CSMD1: variants seen among roughly 807,000 people sequenced by gnomAD.
CSMD1 encodes CUB and Sushi multiple domains 1.
CSMD1 carries 213 observed loss-of-function variants against 417.5 expected under a neutral mutation model. The observed-to-expected ratio is 0.51, with a 90% confidence interval of 0.46 to 0.57. The LOEUF is 0.57. CSMD1 is among the 20% of genes least tolerant of loss of function. The pLI is 0.00. For missense variants in CSMD1, 6,923 were observed against 4,529.7 expected (o/e 1.53, Z -15.17); for synonymous variants, 2,862 against 1,736.8 (o/e 1.65, Z -16.11).
chr8:3,138,576 G>T (rs576246958), intron 41 of CSMD1, among the ~76,000 whole-genome samples: 6 of 152,176 alleles, frequency 3.9e-5, no homozygotes, highest in African/African-American at 1.2e-4. Context: ...GACCTCCCCT[G>T]GTCGGAGTAC....
rs1424891970 is a variant in CSMD1 at position 3,435,219 on chromosome 8, G to A, written c.1562-25614C>T. Among the ~76,000 whole-genome samples the A allele has an allele frequency of 2.0e-5, 3 of 152,156 alleles. No homozygotes were observed. In the East Asian group the frequency reaches 5.8e-4, roughly 29 times the overall value. On this transcript the variant is annotated intron_variant, in intron 12 of 69. Coordinates refer to ENST00000635120, the MANE Select transcript of CSMD1 (RefSeq NM_033225.6). ...TGATATGTTCAGTCCTCAGAGCACA[G>A]AGCTCCCTGGGAAAGAAAATAGTAT... is the stretch of plus-strand genomic sequence containing the variant.
In CSMD1 at chr8:3,172,986, T is replaced by C. The variant is rs114475193; in HGVS notation, c.5725+8124A>G. ...AATAACTGAGGTAATCCTAAGTGGC[T>C]GTCCCAAGAAGTGATTGTAGGATAA... On this transcript the variant is annotated intron_variant, in intron 37 of 69. Coordinates refer to ENST00000635120, the MANE Select transcript of CSMD1 (RefSeq NM_033225.6). 3.4e-3 allele frequency among the ~76,000 whole-genome samples: 522 copies of C among 152,334 alleles called. 4 individuals carry two copies. Among genetic ancestry groups the C allele is most frequent in the African/African-American group, 0.01 (435 of 41,586 alleles).
At chr8:3,553,775 T>G (rs1799021571) in intron 10 of CSMD1, among the ~76,000 whole-genome samples, 1 of 152,214 alleles carries the variant, frequency 6.6e-6, no homozygotes, top group Admixed American at 6.5e-5. Flanking sequence ...ATGTTTATGT[T>G]TTATTAAGTG....
At chr8:4,204,196 G>A (rs1799839208) in intron 3 of CSMD1, among the ~76,000 whole-genome samples, 1 of 151,870 alleles carries the variant, frequency 6.6e-6, no homozygotes, top group South Asian at 2.1e-4. Flanking sequence ...TGCCTGAGAT[G>A]GAATTTCAAA....
intron 5 of CSMD1, among the ~76,000 whole-genome samples, chr8:3,943,445 C>T (rs1392810535): frequency 6.9e-6 from 1 of 145,622 alleles, no homozygotes; most frequent in African/African-American, 2.5e-5. Flanking sequence ...AACAGAATTC[C>T]AGCAATTGTT....
At chr8:4,548,279 G>A (rs1335226269) in intron 2 of CSMD1, among the ~76,000 whole-genome samples, 2 of 151,950 alleles carry the variant, frequency 1.3e-5, no homozygotes, top group African/African-American at 4.8e-5. Flanking sequence ...ATCGAAAAAA[G>A]TTCACTTTTT....
chr8:3,859,865 G>A (rs557185760), intron 5 of CSMD1, among the ~76,000 whole-genome samples: 46 of 152,264 alleles, frequency 3.0e-4, no homozygotes, highest in African/African-American at 1.0e-3. Context: ...ACAGCCTCAG[G>A]CATCTCTTCT....
chr8:3,327,091 G>T (rs17079989), intron 23 of CSMD1, among the ~76,000 whole-genome samples: 7,210 of 151,400 alleles, frequency 0.048, 409 homozygotes, highest in East Asian at 0.25. Context: ...AACACGTGCA[G>T]AGTCATCCTC....
In CSMD1 at chr8:4,111,249, C is replaced by T. The variant is rs543906560; in HGVS notation, c.416-79150G>A. Among the ~76,000 whole-genome samples the T allele has an allele frequency of 3.3e-5, 5 of 152,186 alleles. No homozygotes were observed. In the South Asian group the frequency reaches 1.0e-3, roughly 32 times the overall value. On this transcript the variant is annotated intron_variant, in intron 3 of 69. Coordinates refer to ENST00000635120, the MANE Select transcript of CSMD1 (RefSeq NM_033225.6). ...GTTCCACGTCTTTGCTTTCTATTATCATCAGTCAGTTTGTTTTAGATATAG... is the reference window on the plus strand; with the variant it reads ...GTTCCACGTCTTTGCTTTCTATTATTATCAGTCAGTTTGTTTTAGATATAG...
At position 4,767,369 on chromosome 8, in the gene CSMD1, C is replaced by T. The variant is rs189418109; in HGVS notation, c.86-129811G>A. On this transcript the variant is annotated intron_variant, in intron 1 of 69. Coordinates refer to ENST00000635120, the MANE Select transcript of CSMD1 (RefSeq NM_033225.6). ...GTGAAGAAAATCACATTTGCCTTTA[C>T]GAAACATAATCCCTTTCTTTTTATT... is the stretch of plus-strand genomic sequence containing the variant. Among the ~76,000 whole-genome samples, 434 of 152,246 alleles carry T rather than the reference C, an allele frequency of 2.9e-3. 4 individuals carry two copies. Among genetic ancestry groups the T allele is most frequent in the Non-Finnish European group, 4.5e-3 (308 of 68,012 alleles).
At chr8:4,762,955 C>G (rs987971827) in intron 1 of CSMD1, among the ~76,000 whole-genome samples, 1 of 152,108 alleles carries the variant, frequency 6.6e-6, no homozygotes, top group African/African-American at 2.4e-5. Flanking sequence ...GCTTATATTT[C>G]TCAATATCTG....
At chr8:3,399,562 A>C in intron 15 of CSMD1, 33 bp from the exon 16 acceptor site, 1 of 1,519,860 alleles carries the variant, frequency 6.6e-7, no homozygotes, top group Non-Finnish European at 8.9e-7. Context: ...TATTAGATCC[A>C]ATGAGACAGA....
chr8:4,131,073 CAG>C (rs1803073404), intron 3 of CSMD1, among the ~76,000 whole-genome samples: 1 of 152,126 alleles, frequency 6.6e-6, no homozygotes, highest in South Asian at 2.1e-4. Context: ...AGAAATGCCT[CAG>C]AGAAGTGTGA....
At chr8:4,400,502 T>C (rs1376034688) in intron 3 of CSMD1, among the ~76,000 whole-genome samples, 1 of 152,206 alleles carries the variant, frequency 6.6e-6, no homozygotes, top group Admixed American at 6.5e-5. Context: ...CATCACGAGT[T>C]CTAAAAAAGT....
intron 3 of CSMD1, among the ~76,000 whole-genome samples, chr8:4,226,745 T>G (rs1014215208): frequency 6.6e-6 from 1 of 152,218 alleles, no homozygotes. Flanking sequence ...TCAGTTAACC[T>G]GGCACTGAGC....
intron 7 of CSMD1, among the ~76,000 whole-genome samples, chr8:3,703,447 C>A (rs1172813050): frequency 6.8e-6 from 1 of 146,372 alleles, no homozygotes; most frequent in Non-Finnish European, 1.5e-5. Context: ...TTCATTCATT[C>A]ATTCATTCAT....
chr8:4,787,679 C>A, intron 1 of CSMD1: 1 of 1,590,450 alleles, frequency 6.3e-7, no homozygotes, highest in Non-Finnish European at 8.6e-7. Context: ...TAAGTTTACC[C>A]ACCTAAAGTG....
At chr8:3,971,222 G>C (rs1048438090) in intron 5 of CSMD1, among the ~76,000 whole-genome samples, 3 of 152,152 alleles carry the variant, frequency 2.0e-5, no homozygotes, top group African/African-American at 4.8e-5. Context: ...CGCTGCTTCT[G>C]CCTACAGACC....
intron 1 of CSMD1, among the ~76,000 whole-genome samples, chr8:4,993,776 G>C (rs1811606433): frequency 6.6e-6 from 1 of 152,220 alleles, no homozygotes; most frequent in South Asian, 2.1e-4. Flanking sequence ...GCCGGCTGAG[G>C]ACGTTGGAGA....
Sources: allele counts gnomAD v4.1 joint callset (sites outside exome capture counted in the v4.1 genomes callset), GRCh38; gene constraint gnomAD v4.1.1; transcripts MANE v1.5; gene names NCBI Gene and HGNC (gene_info 2026-07-23, HGNC 2026-07-21).